Variants in ANKS3 observed in about 807,000 individuals in gnomAD.
ANKS3 encodes the protein ankyrin repeat and SAM domain-containing protein 3.
ANKS3 carries 62 observed loss-of-function variants against 80.7 expected under a neutral mutation model. The observed-to-expected ratio is 0.77, with a 90% CI of 0.63 to 0.95. The LOEUF (loss-of-function observed/expected upper bound fraction) is 0.95. ANKS3 is among the 40% of genes least tolerant of loss of function. The pLI is 0.00. For synonymous variants in ANKS3, 489 were observed against 355.3 expected (o/e 1.38, Z -4.23); for missense variants, 1,150 against 883.6 (o/e 1.30, Z -3.82).
At chr16:4,707,028 C>A (rs999880462) in intron 7 of ANKS3, among the ~76,000 whole-genome samples, 13 of 152,200 alleles carry the variant, frequency 8.5e-5, no homozygotes, top group Admixed American at 1.3e-4. Context: ...CACACCTCCT[C>A]ACACTCAAAG....
At chr16:4,722,938 A>G (rs1324872874) in intron 6 of ANKS3, among the ~76,000 whole-genome samples, 2 of 152,080 alleles carry the variant, frequency 1.3e-5, no homozygotes, top group African/African-American at 2.4e-5. Flanking sequence ...CCAAAAAAAA[A>G]AAAAAAGAAA....
chr16:4,731,990 G>A (rs2081643843), intron 1 of ANKS3, among the ~76,000 whole-genome samples: 1 of 152,202 alleles, frequency 6.6e-6, no homozygotes, highest in African/African-American at 2.4e-5. Flanking sequence ...CAGGTGCTAT[G>A]GTAGTTAATA....
At chr16:4,700,362 A>C (rs2079831997) in intron 11 of ANKS3, 1 of 160,032 alleles carries the variant, frequency 6.2e-6, no homozygotes, top group Non-Finnish European at 1.4e-5. Context: ...GGTTGCAGTG[A>C]GCCGAGATCG....
intron 7 of ANKS3, among the ~76,000 whole-genome samples, chr16:4,712,410 T>G (rs995222874): frequency 6.6e-6 from 1 of 151,924 alleles, no homozygotes; most frequent in African/African-American, 2.4e-5. Context: ...AAGAAAACTA[T>G]AGACCAGTAT....
chr16:4,709,553 G>A (rs907127358), intron 7 of ANKS3, among the ~76,000 whole-genome samples: 1 of 152,182 alleles, frequency 6.6e-6, no homozygotes, highest in Non-Finnish European at 1.5e-5. Flanking sequence ...AGCCTAGATA[G>A]AGAATCAACC....
At chr16:4,730,217 G>T (rs2081549131) in intron 2 of ANKS3, 66 bp from the exon 3 acceptor site, 2 of 1,386,634 alleles carry the variant, frequency 1.4e-6, no homozygotes, top group Admixed American at 5.3e-5. Flanking sequence ...AAACAGGCTG[G>T]TCCTGCCCCT....
chr16:4,701,419 A>G lies in ANKS3; in HGVS notation c.1119+15T>C, dbSNP rs1222228417. 6.3e-7 allele frequency: 1 copy of G among 1,581,380 alleles called. No homozygotes were observed. Among genetic ancestry groups the G allele is most frequent in the Non-Finnish European group, 8.6e-7 (1 of 1,161,120 alleles). Reference sequence around the variant, plus strand: ...GGGACCGGCTATGGGAGACCAAGAAAGAAAGAATCCGTACCTCGTTGCTCT... The same window carrying G: ...GGGACCGGCTATGGGAGACCAAGAAGGAAAGAATCCGTACCTCGTTGCTCT... On this transcript the variant is annotated intron_variant, in intron 10 of 17. Transcript: ENST00000304283.
intron 5 of ANKS3, 49 bp downstream of exon 5, chr16:4,726,610 C>G (rs749066132): frequency 1.9e-6 from 3 of 1,587,570 alleles, no homozygotes; most frequent in African/African-American, 1.3e-5. Flanking sequence ...TCCTTAGAGT[C>G]AGATGACACC....
chr16:4,714,976 G>A (rs902143504), intron 6 of ANKS3, among the ~76,000 whole-genome samples: 4 of 108,278 alleles, frequency 3.7e-5, no homozygotes, highest in Non-Finnish European at 6.8e-5. Flanking sequence ...TGAAGACAGA[G>A]TGAGACTCTG....
At chr16:4,733,202 C>CAAAAAAAAAA (rs56944690) in intron 1 of ANKS3, among the ~76,000 whole-genome samples, 10 of 70,484 alleles carry the variant, frequency 1.4e-4, no homozygotes, top group Non-Finnish European at 2.0e-4. Context: ...GACTCCGTCT[C>CAAAAAAAAAA]AAAAAAAAAA....
rs202129576 is a variant in ANKS3, at chr16:4,727,112, A to G, written c.236T>C (p.Ile79Thr). The G allele has an allele frequency of 2.9e-5, 47 of 1,614,224 alleles. No individual in the cohort carries two copies. In the East Asian group the frequency reaches 8.7e-4, roughly 30 times the overall value. Reference protein sequence around the residue: ...GWTPLMYASYIGHDTIVHLLL... With the variant: ...GWTPLMYASYTGHDTIVHLLL... ...CAGGTGCACGATTGTGTCGTGGCCA[A>G]TGTAGGAGGCATACATCAGCGGGGT... Residue 79 changes from isoleucine to threonine, a missense_variant, in exon 4 of 18, where the codon ATT becomes ACT. Coordinates refer to ENST00000304283, the MANE Select transcript of ANKS3 (RefSeq NM_133450.4).
chr16:4,706,242 T>A (rs1242833631), intron 7 of ANKS3, among the ~76,000 whole-genome samples: 1 of 152,016 alleles, frequency 6.6e-6, no homozygotes, highest in Non-Finnish European at 1.5e-5. Context: ...TTTTTCTTTA[T>A]TTTTTTGAGA....
At chr16:4,714,280 G>C (rs1345818771) in intron 6 of ANKS3, 94 bp from the exon 7 acceptor site, 1 of 1,521,622 alleles carries the variant, frequency 6.6e-7, no homozygotes, top group Non-Finnish European at 8.9e-7. Flanking sequence ...GGCATATGCT[G>C]GTTTCTGACT....
At chr16:4,701,265 G>A in intron 10 of ANKS3, 131 bp from the exon 11 acceptor site, 1 of 1,463,412 alleles carries the variant, frequency 6.8e-7, no homozygotes, top group East Asian at 2.3e-5. Flanking sequence ...GGCTTCCGGT[G>A]CGTTCGCTGT....
chr16:4,705,881 T>C (rs1415476633), intron 7 of ANKS3, among the ~76,000 whole-genome samples: 1 of 152,144 alleles, frequency 6.6e-6, no homozygotes, highest in Non-Finnish European at 1.5e-5. Flanking sequence ...TATATGGTAA[T>C]ATAAGTCACA....
chr16:4,702,276 A>C (rs1039839437), intron 8 of ANKS3, 34 bp from the exon 9 acceptor site: 2 of 1,447,372 alleles, frequency 1.4e-6, no homozygotes, highest in African/African-American at 3.0e-5. Context: ...AGCCCAGGGA[A>C]CTCCAAAGTG....
chr16:4,720,885 C>G lies in ANKS3; in HGVS notation c.573+3865G>C, dbSNP rs913817493. Among the ~76,000 whole-genome samples the G allele has an allele frequency of 4.0e-5, 6 of 149,606 alleles. 2 individuals carry two copies. Among genetic ancestry groups the G allele is most frequent in the Non-Finnish European group, 7.4e-5 (5 of 67,246 alleles). Reference sequence around the variant, plus strand: ...CTGGGAGGCAGAGGTTGCAATGAGCCGAGATTGCGCCACTGCACTCCAGCC... The same window carrying G: ...CTGGGAGGCAGAGGTTGCAATGAGCGGAGATTGCGCCACTGCACTCCAGCC... On this transcript the variant is annotated intron_variant, in intron 6 of 17. Transcript: ENST00000304283.
chr16:4,729,673 C>G (rs2081525428), intron 3 of ANKS3: 1 of 191,508 alleles, frequency 5.2e-6, no homozygotes, highest in African/African-American at 2.3e-5. Flanking sequence ...CACTTTCTGT[C>G]TTTATTTTTA....
intron 15 of ANKS3, among the ~76,000 whole-genome samples, 200 bp from the exon 16 acceptor site, chr16:4,697,616 G>C (rs138027431): frequency 1.3e-5 from 2 of 152,220 alleles, no homozygotes; most frequent in Non-Finnish European, 2.9e-5. Context: ...CAAACACTAC[G>C]AGGCCCGGGT....
Sources: allele counts gnomAD v4.1 joint callset (sites outside exome capture counted in the v4.1 genomes callset), GRCh38; gene constraint gnomAD v4.1.1; transcripts MANE v1.5; gene names NCBI Gene and HGNC (gene_info 2026-07-23, HGNC 2026-07-21).